Variants in NOS1AP observed in about 807,000 individuals in gnomAD.
NOS1AP encodes nitric oxide synthase 1 adaptor protein.
Under a neutral mutation model 56.2 loss-of-function variants are expected in NOS1AP, and 21 were observed. The observed-to-expected ratio is 0.37, with a 90% CI of 0.26 to 0.54. The LOEUF (loss-of-function observed/expected upper bound fraction) is 0.54, where lower values mean the gene tolerates loss of function less well. Ranked by LOEUF, NOS1AP falls within the 20% of genes least tolerant of loss-of-function variation. The probability of loss-of-function intolerance (pLI) is 0.84; values close to 1 mark genes in which losing one functional copy is unlikely to be tolerated. For synonymous variants in NOS1AP, 270 were observed against 274.6 expected (o/e 0.98, Z 0.17); for missense variants, 522 against 657.8 (o/e 0.79, Z 2.26).
At chr1:162,311,422 G>GTC in intron 4 of NOS1AP, among the ~76,000 whole-genome samples, 1 of 152,262 alleles carries the variant, frequency 6.6e-6, no homozygotes, top group Admixed American at 6.5e-5. Flanking sequence ...TGCTTAGTGA[G>GTC]TCTCAGTTAA....
At chr1:162,289,083 C>T (rs941755096) in intron 3 of NOS1AP, among the ~76,000 whole-genome samples, 3 of 152,184 alleles carry the variant, frequency 2.0e-5, no homozygotes, top group Non-Finnish European at 4.4e-5. Flanking sequence ...CTAATTTTGT[C>T]ACATGTGTAA....
intron 2 of NOS1AP, among the ~76,000 whole-genome samples, chr1:162,223,615 GA>G (rs919269278): frequency 8.6e-5 from 13 of 151,992 alleles, no homozygotes; most frequent in South Asian, 4.1e-4. Context: ...ACATTTGTGA[GA>G]AAAAAAATTT....
intron 2 of NOS1AP, among the ~76,000 whole-genome samples, chr1:162,276,680 C>T (rs942973639): frequency 6.6e-6 from 1 of 152,180 alleles, no homozygotes; most frequent in Non-Finnish European, 1.5e-5. Context: ...TTTACAATCC[C>T]ATAACCCCGA....
chr1:162,091,898 C>T (rs934414412), intron 1 of NOS1AP, among the ~76,000 whole-genome samples: 1 of 152,072 alleles, frequency 6.6e-6, no homozygotes, highest in African/African-American at 2.4e-5. Flanking sequence ...TTCACTGGGG[C>T]AAGGTGGGGT....
At chr1:162,357,506 T>C (rs903257553) in intron 8 of NOS1AP, among the ~76,000 whole-genome samples, 1 of 152,180 alleles carries the variant, frequency 6.6e-6, no homozygotes, top group Non-Finnish European at 1.5e-5. Flanking sequence ...GTCAGAACAG[T>C]TGTGGCTTTA....
intron 1 of NOS1AP, among the ~76,000 whole-genome samples, chr1:162,151,610 C>T (rs1231778806): frequency 6.6e-6 from 1 of 152,242 alleles, no homozygotes; most frequent in East Asian, 1.9e-4. Flanking sequence ...AATAGTGATT[C>T]TTCCAATCCA....
At chr1:162,339,190 G>A (rs1657027637) in intron 5 of NOS1AP, among the ~76,000 whole-genome samples, 1 of 150,540 alleles carries the variant, frequency 6.6e-6, no homozygotes, top group Non-Finnish European at 1.5e-5. Flanking sequence ...GCCACTCTGA[G>A]GTTAGAGATC....
chr1:162,367,227 G>A lies in NOS1AP; in HGVS notation c.1281G>A (p.Lys427=). ...TAGGTAGGCGCGACTGCTTGGTGAA[G>A]CTGGAGTGCTTTCGCTTTCTTCCGC... The part of the protein sequence containing the change: ...SPLGRRDCLV[K]LECFRFLPPE... Residue 427 remains lysine (K), a synonymous_variant, in exon 10 of 10, where the codon AAG becomes AAA. Coordinates refer to ENST00000361897, the MANE Select transcript of NOS1AP (RefSeq NM_014697.3). The surrounding 1 kb of genome is among the most constrained non-coding windows in gnomAD (Gnocchi z 6.5). 1.2e-6 allele frequency: 2 copies of A among 1,613,968 alleles called. No homozygotes were observed. Among genetic ancestry groups the A allele is most frequent in the South Asian group, 1.1e-5 (1 of 91,092 alleles).
intron 1 of NOS1AP, among the ~76,000 whole-genome samples, chr1:162,094,904 A>G (rs1293903036): frequency 6.6e-6 from 1 of 152,180 alleles, no homozygotes; most frequent in Non-Finnish European, 1.5e-5. Flanking sequence ...TACTCCTTAC[A>G]GTGCTGCTGG....
chr1:162,329,800 C>T (rs1656708034), intron 4 of NOS1AP, among the ~76,000 whole-genome samples: 1 of 152,178 alleles, frequency 6.6e-6, no homozygotes, highest in African/African-American at 2.4e-5. Flanking sequence ...AACTTTCTGC[C>T]TCTTGGTTAT....
chr1:162,113,382 T>C (rs1167403576), intron 1 of NOS1AP, among the ~76,000 whole-genome samples: 11 of 152,148 alleles, frequency 7.2e-5, no homozygotes, highest in Non-Finnish European at 2.9e-5. Context: ...CAGTGGAATG[T>C]GTTGTCGGGC....
At chr1:162,134,555 A>G (rs1648904972) in intron 1 of NOS1AP, among the ~76,000 whole-genome samples, 1 of 151,460 alleles carries the variant, frequency 6.6e-6, no homozygotes, top group African/African-American at 2.4e-5. Context: ...AGAGTAGGGA[A>G]AAAGTCAAGA....
At chr1:162,075,546 A>G (rs1374490132) in intron 1 of NOS1AP, among the ~76,000 whole-genome samples, 3 of 152,218 alleles carry the variant, frequency 2.0e-5, no homozygotes, top group Non-Finnish European at 2.9e-5. Flanking sequence ...CCTGCATGGC[A>G]TGGTACAGAG....
chr1:162,331,411 T>G (rs1322118951), intron 4 of NOS1AP, among the ~76,000 whole-genome samples: 1 of 152,134 alleles, frequency 6.6e-6, no homozygotes, highest in Non-Finnish European at 1.5e-5. Flanking sequence ...ACTAGGCTGT[T>G]TAGAGGCTAT....
chr1:162,231,690 G>A lies in NOS1AP; in HGVS notation c.178-55654G>A, dbSNP rs184951038. 7.3e-3 allele frequency among the ~76,000 whole-genome samples: 1,109 copies of A among 152,242 alleles called. 9 individuals are homozygous for A. Among genetic ancestry groups the A allele is most frequent in the Non-Finnish European group, 9.7e-3 (657 of 68,004 alleles). Reference sequence around the variant, plus strand: ...TAGCTATATATGACCAGTGACTACAGGGTTCCTCTCCAGTATCAGAAAGCA... The same window carrying A: ...TAGCTATATATGACCAGTGACTACAAGGTTCCTCTCCAGTATCAGAAAGCA... On this transcript the variant is annotated intron_variant, in intron 2 of 9. Coordinates refer to ENST00000361897, the MANE Select transcript of NOS1AP (RefSeq NM_014697.3).
At chr1:162,090,947 C>T (rs767660550) in intron 1 of NOS1AP, among the ~76,000 whole-genome samples, 1 of 151,882 alleles carries the variant, frequency 6.6e-6, no homozygotes, top group Non-Finnish European at 1.5e-5. Flanking sequence ...TGGATTTGAC[C>T]TTGTTACTTT....
intron 1 of NOS1AP, among the ~76,000 whole-genome samples, chr1:162,123,830 G>A (rs1648356958): frequency 6.6e-6 from 1 of 151,894 alleles, no homozygotes; most frequent in South Asian, 2.1e-4. Flanking sequence ...TTAAGAGTAA[G>A]TTACAGACAA....
chr1:162,235,578 C>T (rs1378032998), intron 2 of NOS1AP, among the ~76,000 whole-genome samples: 1 of 152,222 alleles, frequency 6.6e-6, no homozygotes, highest in East Asian at 1.9e-4. Flanking sequence ...AGTGCGGAAA[C>T]ATGCTGCATG....
intron 1 of NOS1AP, among the ~76,000 whole-genome samples, chr1:162,118,253 C>T (rs1648052021): frequency 6.6e-6 from 1 of 152,178 alleles, no homozygotes; most frequent in South Asian, 2.1e-4. Context: ...CGTCTCCCTT[C>T]CACCCTCCCG....
Sources: allele counts gnomAD v4.1 joint callset (sites outside exome capture counted in the v4.1 genomes callset), GRCh38; gene constraint gnomAD v4.1.1; non-coding constraint Gnocchi (gnomAD v3.1); transcripts MANE v1.5; gene names NCBI Gene and HGNC (gene_info 2026-07-23, HGNC 2026-07-21).